BDNF: variants seen among roughly 807,000 people sequenced by gnomAD.
BDNF encodes the protein brain derived neurotrophic factor, also known as neurotrophic factor BDNF precursor form.
BDNF carries 1 observed loss-of-function variant against 19.5 expected under a neutral mutation model. The observed-to-expected ratio is 0.05, with a 90% CI of 0.02 to 0.24. The LOEUF (loss-of-function observed/expected upper bound fraction) is 0.24, where lower values mean the gene tolerates loss of function less well. BDNF is among the 10% of genes least tolerant of loss of function. BDNF has a pLI of 1.00. For missense variants in BDNF, 195 were observed against 317.6 expected (o/e 0.61, Z 2.93); for synonymous variants, 100 against 121.6 (o/e 0.82, Z 1.17).
intron 1 of BDNF, chr11:27,675,168 A>T (rs1855914674): frequency 1.3e-5 from 2 of 152,706 alleles, no homozygotes; most frequent in South Asian, 4.1e-4. Context: ...TGCAGACCCT[A>T]TATGCCAGTT....
intron 1 of BDNF, chr11:27,659,629 C>CTGCGTG: frequency 3.1e-6 from 3 of 982,180 alleles, no homozygotes; most frequent in Non-Finnish European, 3.7e-6. Flanking sequence ...GATGTTCTCT[C>CTGCGTG]TGTGTGTGTG....
intron 1 of BDNF, among the ~76,000 whole-genome samples, chr11:27,685,293 C>T (rs1169623631): frequency 2.0e-5 from 3 of 152,032 alleles, no homozygotes. Flanking sequence ...CTCTTTTCTT[C>T]TTTATCAATC....
chr11:27,721,285 C>G, intron 1 of BDNF: 2 of 1,122,692 alleles, frequency 1.8e-6, no homozygotes, highest in Non-Finnish European at 2.7e-6. Flanking sequence ...TGTAAAAACC[C>G]GATTCCCCTG....
intron 1 of BDNF, chr11:27,659,662 T>G: frequency 1.0e-6 from 1 of 973,480 alleles, no homozygotes; most frequent in Non-Finnish European, 1.2e-6. Flanking sequence ...CGCGCGCGTG[T>G]GCGCGCGCTC....
intron 1 of BDNF, among the ~76,000 whole-genome samples, chr11:27,699,000 C>G (rs370869771): frequency 6.6e-6 from 1 of 152,118 alleles, no homozygotes; most frequent in Admixed American, 6.5e-5. Context: ...CACGCCCCAC[C>G]GAGCTGGAGT....
At chr11:27,712,931 T>TTTC (rs1564996518) in intron 1 of BDNF, among the ~76,000 whole-genome samples, 112 of 112,028 alleles carry the variant, frequency 1.0e-3, no homozygotes, top group East Asian at 2.6e-3. Flanking sequence ...TTCTTTCTTT[T>TTTC]TTTTTTTTTT....
chr11:27,656,394 C>T lies in BDNF; in HGVS notation c.*1427G>A. 1 of 310,764 alleles carries T rather than the reference C, an allele frequency of 3.2e-6. No homozygotes were observed. Among genetic ancestry groups the T allele is most frequent in the Non-Finnish European group, 4.7e-6 (1 of 212,918 alleles). 19.3% of individuals were successfully genotyped at this position (310,764 alleles called of 1,614,324 possible). The stretch of plus-strand genomic sequence containing the variant: ...CCTCCAGTCGAGAACCTCTTGAGCA[C>T]AGTTAGATAATGTAGGCACTTAAAG... On this transcript the variant is annotated 3_prime_UTR_variant, in exon 2 of 2. Transcript: ENST00000356660.
chr11:27,656,811 TAAA>T lies in BDNF; in HGVS notation c.*1007_*1009del. The T allele has an allele frequency of 1.0e-6, 1 of 983,846 alleles. No homozygotes were observed. Among genetic ancestry groups the T allele is most frequent in the Non-Finnish European group, 1.2e-6 (1 of 828,868 alleles). The allele number at this position is 983,846 out of a possible 1,614,324, so 60.9% of individuals were successfully genotyped here. A position where few individuals can be genotyped will look rare whatever the true frequency, so the allele number is the denominator to read the frequency against. ...GGTTATTTTTTGTTGTTTTCTGTTC[TAAA>T]AAAAAATCACTGTTCTCCATGCTTA... On this transcript the variant is annotated 3_prime_UTR_variant, in exon 2 of 2. Coordinates refer to ENST00000356660, the MANE Select transcript of BDNF (RefSeq NM_001709.5).
chr11:27,698,771 C>T (rs940948999), intron 1 of BDNF, among the ~76,000 whole-genome samples: 4 of 152,132 alleles, frequency 2.6e-5, no homozygotes, highest in African/African-American at 9.7e-5. Context: ...CCTTTCTTTG[C>T]TTCTGGCCAA....
chr11:27,683,734 C>A (rs1857137500), intron 1 of BDNF, among the ~76,000 whole-genome samples: 1 of 152,108 alleles, frequency 6.6e-6, no homozygotes, highest in African/African-American at 2.4e-5. Context: ...GGCGTTATTT[C>A]TGAGGCCTCT....
intron 1 of BDNF, among the ~76,000 whole-genome samples, chr11:27,669,492 G>T (rs1854967156): frequency 6.6e-6 from 1 of 152,168 alleles, no homozygotes; most frequent in African/African-American, 2.4e-5. Context: ...TGACATGATT[G>T]TATATTTAGA....
At chr11:27,703,293 T>TA (rs979748562), upstream of BDNF, among the ~76,000 whole-genome samples, 10 of 151,964 alleles carry the variant, frequency 6.6e-5, no homozygotes, top group East Asian at 3.8e-4. Context: ...GTTATACATT[T>TA]AAAAAAAATA....
chr11:27,657,248 GA>G lies in BDNF; in HGVS notation c.*572del, dbSNP rs1046486770. The G allele has an allele frequency of 1.7e-4, 166 of 968,842 alleles. No individual in the cohort carries two copies. In the African/African-American group the frequency reaches 2.6e-3, roughly 15 times the overall value. The allele number at this position is 968,842 out of a possible 1,614,324, so 60.0% of individuals were successfully genotyped here. On this transcript the variant is annotated 3_prime_UTR_variant, in exon 2 of 2. Transcript: ENST00000356660. The surrounding 1 kb of genome is among the most constrained non-coding windows in gnomAD (Gnocchi z 5.0). ...GAACTAAAAAACAAAACAAACAAAC[GA>G]AAAAAAAACACAAAACAAACAAAAA...
intron 1 of BDNF, chr11:27,698,322 G>T (rs753278043): frequency 4.0e-5 from 6 of 149,284 alleles, no homozygotes; most frequent in Non-Finnish European, 8.9e-5. Flanking sequence ...TTTTTAAAAG[G>T]TGCTGTTCCC....
chr11:27,712,259 T>A (rs1014056000), intron 1 of BDNF, among the ~76,000 whole-genome samples: 5 of 152,236 alleles, frequency 3.3e-5, no homozygotes, highest in Admixed American at 1.3e-4. Context: ...TGTTACACAG[T>A]AGTACTTGCA....
At chr11:27,664,135 C>G (rs1157195768) in intron 1 of BDNF, among the ~76,000 whole-genome samples, 3 of 151,992 alleles carry the variant, frequency 2.0e-5, no homozygotes, top group Non-Finnish European at 4.4e-5. Context: ...TCATTTTAGA[C>G]AGTCCTATAA....
intron 1 of BDNF, among the ~76,000 whole-genome samples, chr11:27,680,927 C>T (rs981107622): frequency 3.3e-5 from 5 of 152,134 alleles, no homozygotes; most frequent in African/African-American, 1.2e-4. Context: ...ACAGGGTCAG[C>T]CTCAATTTCA....
At chr11:27,683,198 A>G (rs1346095276) in intron 1 of BDNF, among the ~76,000 whole-genome samples, 1 of 152,194 alleles carries the variant, frequency 6.6e-6, no homozygotes, top group Non-Finnish European at 1.5e-5. Context: ...TTGGCAGCAT[A>G]AATTTCTTCT....
chr11:27,658,629 T>G lies in BDNF; in HGVS notation c.-21-44A>C. 1 of 1,614,050 alleles carries G rather than the reference T, an allele frequency of 6.2e-7. No individual in the cohort carries two copies. Among genetic ancestry groups the G allele is most frequent in the Non-Finnish European group, 8.5e-7 (1 of 1,180,010 alleles). The stretch of plus-strand genomic sequence containing the variant: ...AACAAGACAGAAAACTGGTTAGGGC[T>G]TTCTTTCACCGGGATGCCATGTGGC... On this transcript the variant is annotated intron_variant, in intron 1 of 1. Transcript: ENST00000356660. This position sits in a 1 kb window ranked among gnomAD's most constrained non-coding sequence, Gnocchi z 5.7.
Sources: allele counts gnomAD v4.1 joint callset (sites outside exome capture counted in the v4.1 genomes callset), GRCh38; gene constraint gnomAD v4.1.1; non-coding constraint Gnocchi (gnomAD v3.1); transcripts MANE v1.5; gene names NCBI Gene and HGNC (gene_info 2026-07-23, HGNC 2026-07-21).